The following TMEM108 variants were observed in gnomAD, a reference collection of about 807,000 sequenced individuals.
TMEM108 encodes transmembrane protein 108, also known as cancer/testis antigen 124.
In TMEM108, 12 loss-of-function variants were observed where a neutral mutation model predicts 35.1. That is an observed-to-expected ratio of 0.34 (90% confidence interval 0.22 to 0.55). TMEM108 has a LOEUF of 0.55. Ranked by LOEUF, TMEM108 falls within the 20% of genes least tolerant of loss-of-function variation. TMEM108 has a pLI of 0.89. For missense variants in TMEM108, 680 were observed against 753.3 expected, an observed-to-expected ratio of 0.90 and a Z score of 1.14; for synonymous variants, 287 against 308.6, an observed-to-expected ratio of 0.93 and a Z score of 0.73.
intron 3 of TMEM108, among the ~76,000 whole-genome samples, chr3:133,257,918 G>T (rs1407964707): frequency 6.6e-6 from 1 of 152,126 alleles, no homozygotes; most frequent in Non-Finnish European, 1.5e-5. Context: ...GCTAAAGGAG[G>T]GGTTGCTTTA....
intron 3 of TMEM108, among the ~76,000 whole-genome samples, chr3:133,325,803 T>C (rs2071325898): frequency 6.6e-6 from 1 of 151,528 alleles, no homozygotes; most frequent in Non-Finnish European, 1.5e-5. Flanking sequence ...AAAATCAATA[T>C]ATGGAATATG....
At chr3:133,247,610 T>C (rs1034870288) in intron 3 of TMEM108, 2 of 150,372 alleles carry the variant, frequency 1.3e-5, no homozygotes, top group Admixed American at 1.3e-4. Flanking sequence ...TTTCAATCCA[T>C]ATTTATATTC....
chr3:133,178,462 T>C (rs1945274000), intron 2 of TMEM108, among the ~76,000 whole-genome samples: 1 of 151,810 alleles, frequency 6.6e-6, no homozygotes, highest in Admixed American at 6.6e-5. Flanking sequence ...AAAACAGAGA[T>C]ATAGACCAAT....
At chr3:133,168,390 T>C (rs907631505) in intron 2 of TMEM108, among the ~76,000 whole-genome samples, 7 of 152,096 alleles carry the variant, frequency 4.6e-5, no homozygotes, top group African/African-American at 1.7e-4. Flanking sequence ...GGCGGAAGGC[T>C]TGAAGGGCAA....
intron 3 of TMEM108, among the ~76,000 whole-genome samples, chr3:133,322,840 C>G (rs376469529): frequency 4.6e-5 from 7 of 152,106 alleles, no homozygotes; most frequent in African/African-American, 1.4e-4. Flanking sequence ...GGTTTTACAC[C>G]AAGGATGCAG....
intron 3 of TMEM108, among the ~76,000 whole-genome samples, chr3:133,236,263 C>G (rs781236989): frequency 6.6e-6 from 1 of 152,074 alleles, no homozygotes; most frequent in Admixed American, 6.6e-5. Flanking sequence ...TGTGTCAAAT[C>G]ACACAAAGTA....
intron 2 of TMEM108, among the ~76,000 whole-genome samples, chr3:133,172,147 A>G (rs1430840240): frequency 6.6e-6 from 1 of 152,010 alleles, no homozygotes; most frequent in East Asian, 1.9e-4. Context: ...TCATGTTTTC[A>G]TTTTACAGAT....
At chr3:133,261,959 A>C (rs1946631422) in intron 3 of TMEM108, among the ~76,000 whole-genome samples, 1 of 152,208 alleles carries the variant, frequency 6.6e-6, no homozygotes, top group Non-Finnish European at 1.5e-5. Flanking sequence ...AAATTCTGGC[A>C]TTGGTCATAA....
rs139804618 is a variant in TMEM108 at position 133,344,219 on chromosome 3, A to T, written c.41-35533A>T. 6.7e-3 allele frequency among the ~76,000 whole-genome samples: 1,018 copies of T among 152,092 alleles called. 14 individuals are homozygous for T. Among genetic ancestry groups the T allele is most frequent in the African/African-American group, 0.023 (970 of 41,552 alleles). ...CAATAAAAACTAGGATTAGAAATTT[A>T]AAAAATAAAAAATTTAAACAAAAAT... On this transcript the variant is annotated intron_variant, in intron 3 of 5. Transcript: ENST00000321871.
chr3:133,268,011 G>A (rs1001538616), intron 3 of TMEM108, among the ~76,000 whole-genome samples: 4 of 152,216 alleles, frequency 2.6e-5, no homozygotes, highest in Admixed American at 1.3e-4. Context: ...AGATCTTGAA[G>A]CTGGCTACCA....
intron 2 of TMEM108, among the ~76,000 whole-genome samples, chr3:133,146,218 G>C (rs1944717560): frequency 6.6e-6 from 1 of 152,218 alleles, no homozygotes; most frequent in Non-Finnish European, 1.5e-5. Flanking sequence ...CATCTATTGA[G>C]ATAATCGTGG....
chr3:133,078,119 A>G (rs1292250845), intron 2 of TMEM108, among the ~76,000 whole-genome samples: 2 of 131,258 alleles, frequency 1.5e-5, no homozygotes, highest in Non-Finnish European at 3.4e-5. Flanking sequence ...TTGGCGAAAA[A>G]TGGTGGAGTT....
At chr3:133,160,048 A>C (rs554653477) in intron 2 of TMEM108, among the ~76,000 whole-genome samples, 47 of 152,280 alleles carry the variant, frequency 3.1e-4, no homozygotes, top group Non-Finnish European at 5.1e-4. Flanking sequence ...TTCTTTGTTG[A>C]CAGACGCCTT....
intron 3 of TMEM108, among the ~76,000 whole-genome samples, chr3:133,295,392 A>G (rs1250240522): frequency 1.3e-5 from 2 of 152,198 alleles, no homozygotes; most frequent in African/African-American, 2.4e-5. Flanking sequence ...TAGGCCCATT[A>G]GGGAACTCCT....
At chr3:133,282,474 A>G (rs990755030) in intron 3 of TMEM108, among the ~76,000 whole-genome samples, 4 of 151,414 alleles carry the variant, frequency 2.6e-5, no homozygotes, top group African/African-American at 7.4e-5. Flanking sequence ...GTTTCTTTAC[A>G]CAGTCATCTT....
At chr3:133,042,139 C>G (rs1002114986) in intron 1 of TMEM108, among the ~76,000 whole-genome samples, 4 of 152,128 alleles carry the variant, frequency 2.6e-5, no homozygotes, top group African/African-American at 9.7e-5. Context: ...TCTTTGTTCT[C>G]TAGCTGTTAT....
In TMEM108 at chr3:133,396,084, CTT is replaced by C. The variant is rs1447732070; in HGVS notation, c.*99_*100del. ...AAATATAACCTTTGTGTAACCCTGA[CTT>C]AATGAGAAACATTTTCAGCTTTTTT... On this transcript the variant is annotated 3_prime_UTR_variant, in exon 6 of 6. Coordinates refer to ENST00000321871, the MANE Select transcript of TMEM108 (RefSeq NM_023943.4). 1.1e-6 allele frequency: 1 copy of C among 921,250 alleles called. No individual in the cohort carries two copies. Among genetic ancestry groups the C allele is most frequent in the African/African-American group, 1.8e-5 (1 of 56,898 alleles). The allele number at this position is 921,250 out of a possible 1,614,324, so 57.1% of individuals were successfully genotyped here. A position where few individuals can be genotyped will look rare whatever the true frequency, so the allele number is the denominator to read the frequency against.
chr3:133,296,932 C>T (rs1299906422), intron 3 of TMEM108, among the ~76,000 whole-genome samples: 2 of 152,198 alleles, frequency 1.3e-5, no homozygotes, highest in African/African-American at 4.8e-5. Context: ...GTGATATCAA[C>T]TATCCCCACT....
At chr3:133,071,758 T>A (rs749609700) in intron 2 of TMEM108, among the ~76,000 whole-genome samples, 3 of 152,304 alleles carry the variant, frequency 2.0e-5, no homozygotes, top group South Asian at 4.1e-4. Context: ...GACATATAAT[T>A]TTCAAATATT....
Sources: allele counts gnomAD v4.1 joint callset (sites outside exome capture counted in the v4.1 genomes callset), GRCh38; gene constraint gnomAD v4.1.1; transcripts MANE v1.5; gene names NCBI Gene and HGNC (gene_info 2026-07-23, HGNC 2026-07-21).